Variants in RUSC2 observed in about 807,000 individuals in gnomAD.
The protein encoded by RUSC2 is RUN and SH3 domain containing 2.
RUSC2 carries 34 observed loss-of-function variants against 122.2 expected under a neutral mutation model. The observed-to-expected ratio is 0.28, with a 90% CI of 0.21 to 0.37. The LOEUF is 0.37. RUSC2 is among the 10% of genes least tolerant of loss of function. RUSC2 has a pLI of 1.00. For synonymous variants in RUSC2, 784 were observed against 790.0 expected (o/e 0.99, Z 0.13); for missense variants, 1,747 against 1,952.4 (o/e 0.89, Z 1.98).
chr9:35,534,097 T>G (rs1821475978), intron 1 of RUSC2, among the ~76,000 whole-genome samples: 1 of 152,204 alleles, frequency 6.6e-6, no homozygotes, highest in East Asian at 1.9e-4. Flanking sequence ...GGTTCCAATT[T>G]CTACACATCA....
intron 1 of RUSC2, among the ~76,000 whole-genome samples, chr9:35,513,083 G>A (rs1017790983): frequency 6.6e-6 from 1 of 152,180 alleles, no homozygotes; most frequent in South Asian, 2.1e-4. Context: ...CTAGGATGAC[G>A]ATGATGATGA....
chr9:35,497,827 T>G (rs112924921), intron 1 of RUSC2, among the ~76,000 whole-genome samples: 16 of 152,314 alleles, frequency 1.1e-4, no homozygotes, highest in African/African-American at 3.8e-4. Context: ...ATTTATCACT[T>G]CTCTGTCCCT....
chr9:35,546,436 A>G lies in RUSC2; in HGVS notation c.-86A>G. The G allele has an allele frequency of 9.4e-7, 1 of 1,061,746 alleles. No homozygotes were observed. The highest frequency in any genetic ancestry group is 1.2e-6 in the Non-Finnish European group (1 of 802,096). 65.8% of individuals were successfully genotyped at this position (1,061,746 alleles called of 1,614,324 possible). ...TCTTTCCCTCTCTCTCCAGGTGCCA[A>G]GCTCTCCTGATGAAATGTGTTCTGC... is the stretch of plus-strand genomic sequence containing the variant. On this transcript the variant is annotated 5_prime_UTR_variant, in exon 2 of 12. Transcript: ENST00000361226. The surrounding 1 kb of genome is among the most constrained non-coding windows in gnomAD (Gnocchi z 4.3).
At chr9:35,543,804 A>G (rs1363392340) in intron 1 of RUSC2, among the ~76,000 whole-genome samples, 2 of 152,194 alleles carry the variant, frequency 1.3e-5, no homozygotes, top group East Asian at 1.9e-4. Flanking sequence ...GGATTTGCCT[A>G]TTCTGGACAT....
intron 1 of RUSC2, among the ~76,000 whole-genome samples, chr9:35,491,711 A>G (rs1820571649): frequency 6.6e-6 from 1 of 152,178 alleles, no homozygotes; most frequent in Non-Finnish European, 1.5e-5. Context: ...GCACTTTGGG[A>G]GGCCCAGGTG....
intron 1 of RUSC2, among the ~76,000 whole-genome samples, chr9:35,517,305 A>G (rs1821127015): frequency 6.6e-6 from 1 of 152,244 alleles, no homozygotes; most frequent in Non-Finnish European, 1.5e-5. Flanking sequence ...AACTAACCCA[A>G]TACTCAGGGA....
At chr9:35,552,656 C>T (rs749372435) in intron 2 of RUSC2, among the ~76,000 whole-genome samples, 1 of 152,204 alleles carries the variant, frequency 6.6e-6, no homozygotes, top group Non-Finnish European at 1.5e-5. Flanking sequence ...TCCTCCGAAC[C>T]AGTGAGTGCT....
rs1344855499 is a variant in RUSC2 at position 35,555,717 on chromosome 9, T to A, written c.2656+16T>A. On this transcript the variant is annotated intron_variant, in intron 3 of 11. Transcript: ENST00000361226. The surrounding 1 kb of genome is among the most constrained non-coding windows in gnomAD (Gnocchi z 4.6). ...CCCAGTAATGGTACGAGCTCCAGCA[T>A]CTCCCTACCCAACCCGCCACCTCAC... is the stretch of plus-strand genomic sequence containing the variant. The A allele has an allele frequency of 6.4e-7, 1 of 1,574,092 alleles. No homozygotes were observed. The highest frequency in any genetic ancestry group is 1.4e-5 in the African/African-American group (1 of 73,094).
Position 35,561,183 on chromosome 9 carries a change from A to C in RUSC2, c.4352A>C (p.Glu1451Ala). 1 of 1,613,950 alleles carries C rather than the reference A, an allele frequency of 6.2e-7. No individual in the cohort carries two copies. The highest frequency in any genetic ancestry group is 8.5e-7 in the Non-Finnish European group (1 of 1,179,950). The change falls in exon 12 of 12, where the codon GAG becomes GCG. Residue 1451 changes from glutamate (E) to alanine (A), a missense_variant and splice_region_variant. Glu to Ala is a moderately radical substitution (Grantham distance 107, BLOSUM62 -1). Transcript: ENST00000361226. ...ACCTCCATGTGCTGTTTCCCCAGTGAGGTGCAGGCACTGTGCCACCACCTG... is the reference window on the plus strand; with the variant it reads ...ACCTCCATGTGCTGTTTCCCCAGTGCGGTGCAGGCACTGTGCCACCACCTG... The part of the protein sequence containing the change: ...SPALPSSPPC[E>A]VQALCHHLAT...
In RUSC2 at chr9:35,548,708, T is replaced by G; in HGVS notation, c.2014+173T>G. On this transcript the variant is annotated intron_variant, in intron 2 of 11. Coordinates refer to ENST00000361226, the MANE Select transcript of RUSC2 (RefSeq NM_014806.5). The surrounding 1 kb of genome is among the most constrained non-coding windows in gnomAD (Gnocchi z 4.5). ...GACCCACAGCTACAGTGGAATAGGC[T>G]CACTGGAGAAAGACAGAGGACTCAA... The G allele has an allele frequency of 2.0e-6, 2 of 985,004 alleles. No individual in the cohort carries two copies. The highest frequency in any genetic ancestry group is 2.4e-6 in the Non-Finnish European group (2 of 829,872). The allele number at this position is 985,004 out of a possible 1,614,324, so 61.0% of individuals were successfully genotyped here.
intron 1 of RUSC2, among the ~76,000 whole-genome samples, chr9:35,492,406 T>C (rs1401320676): frequency 3.9e-5 from 6 of 151,926 alleles, no homozygotes; most frequent in African/African-American, 1.5e-4. Flanking sequence ...GTTCACTTCA[T>C]GTTAGGGTAA....
rs759140648 is a variant in RUSC2 at position 35,558,024 on chromosome 9, C to T, written c.3060+34C>T. ...GGAAATGTGGAGAGCTGAGCTCTGC[C>T]TGCAAGCCCTCACCTGTCCCGCGCT... On this transcript the variant is annotated intron_variant, in intron 6 of 11. Coordinates refer to ENST00000361226, the MANE Select transcript of RUSC2 (RefSeq NM_014806.5). This position sits in a 1 kb window ranked among gnomAD's most constrained non-coding sequence, Gnocchi z 4.3. 2 of 1,591,976 alleles carry T rather than the reference C, an allele frequency of 1.3e-6. No individual in the cohort carries two copies. The highest frequency in any genetic ancestry group is 1.1e-5 in the South Asian group (1 of 90,660).
At chr9:35,527,375 G>T (rs1200301787) in intron 1 of RUSC2, among the ~76,000 whole-genome samples, 1 of 151,932 alleles carries the variant, frequency 6.6e-6, no homozygotes, top group African/African-American at 2.4e-5. Context: ...ATGGTGCCCA[G>T]GCTCTTACCA....
At chr9:35,541,535 C>T (rs1405994979) in intron 1 of RUSC2, among the ~76,000 whole-genome samples, 1 of 151,978 alleles carries the variant, frequency 6.6e-6, no homozygotes, top group African/African-American at 2.4e-5. Context: ...CAACCTCCGC[C>T]TCCTGGGTTC....
chr9:35,496,819 T>C (rs1820724733), intron 1 of RUSC2, among the ~76,000 whole-genome samples: 1 of 152,170 alleles, frequency 6.6e-6, no homozygotes, highest in South Asian at 2.1e-4. Context: ...CTACATGGTG[T>C]TATTGTGGAA....
At chr9:35,535,786 C>T (rs1270798019) in intron 1 of RUSC2, among the ~76,000 whole-genome samples, 6 of 151,942 alleles carry the variant, frequency 3.9e-5, no homozygotes, top group African/African-American at 1.2e-4. Flanking sequence ...GTGATCTGCC[C>T]GCCTCGGCCT....
chr9:35,521,575 A>G (rs35873201), intron 1 of RUSC2, among the ~76,000 whole-genome samples: 5,925 of 152,320 alleles, frequency 0.039, 175 homozygotes, highest in Non-Finnish European at 0.054. Flanking sequence ...TGCTAAGCCC[A>G]TTCTACTTCA....
chr9:35,532,022 T>C (rs1053032851), intron 1 of RUSC2, among the ~76,000 whole-genome samples: 2 of 152,116 alleles, frequency 1.3e-5, no homozygotes, highest in Admixed American at 6.6e-5. Context: ...CAAGACTCTG[T>C]CTAAAAACAA....
chr9:35,532,361 A>T (rs1044448973), intron 1 of RUSC2, among the ~76,000 whole-genome samples: 1 of 152,224 alleles, frequency 6.6e-6, no homozygotes, highest in Non-Finnish European at 1.5e-5. Context: ...CCTTGCTGTA[A>T]ATTTGCATTT....
Sources: gnomAD v4.1 joint callset for allele counts (sites outside exome capture counted in the v4.1 genomes callset) on GRCh38, gnomAD v4.1.1 for gene constraint, Gnocchi (gnomAD v3.1) non-coding constraint, MANE v1.5 for transcripts, NCBI Gene and HGNC (gene_info 2026-07-23, HGNC 2026-07-21) for gene names.